ENO1: variants seen among roughly 807,000 people sequenced by gnomAD.
ENO1 encodes enolase 1.
ENO1 carries 33 observed loss-of-function variants against 46.3 expected under a neutral mutation model. That is an observed-to-expected ratio of 0.71 (90% CI 0.54 to 0.95). The LOEUF (loss-of-function observed/expected upper bound fraction) is 0.95, where lower values mean the gene tolerates loss of function less well. Among genes scored for constraint, ENO1 ranks in the 40% least tolerant of loss-of-function variants. ENO1 has a pLI of 0.00. For synonymous variants in ENO1, 220 were observed against 216.0 expected (o/e 1.02, Z -0.16); for missense variants, 488 against 553.3 (o/e 0.88, Z 1.18).
chr1:8,861,913 T>G (rs1325323961), intron 11 of ENO1, among the ~76,000 whole-genome samples: 2 of 148,072 alleles, frequency 1.4e-5, no homozygotes, highest in Non-Finnish European at 3.0e-5. Context: ...GCCAACACAT[T>G]TTGGGGCCAG....
chr1:8,877,124 A>AT (rs1642751871), intron 1 of ENO1, among the ~76,000 whole-genome samples: 1 of 151,974 alleles, frequency 6.6e-6, no homozygotes, highest in South Asian at 2.1e-4. Context: ...CACCCGGCTA[A>AT]TTTTTTGTAT....
At chr1:8,871,823 A>G (rs1020127959) in intron 3 of ENO1, 68 bp downstream of exon 3, 8 of 1,536,750 alleles carry the variant, frequency 5.2e-6, no homozygotes, top group Non-Finnish European at 7.2e-6. Flanking sequence ...CAGAGAGGAC[A>G]GGACTGGGCA....
In ENO1 at chr1:8,870,263, C is replaced by T. The variant is rs1397602287; in HGVS notation, c.240+189G>A. The T allele has an allele frequency of 4.6e-6, 3 of 652,020 alleles. No homozygotes were observed. The Admixed American group carries it at 8.9e-5, about 19-fold the overall frequency. The allele number at this position is 652,020 out of a possible 1,614,324, so 40.4% of individuals were successfully genotyped here. A position where few individuals can be genotyped will look rare whatever the true frequency, so the allele number is the denominator to read the frequency against. On this transcript the variant is annotated intron_variant, in intron 4 of 11. Coordinates refer to ENST00000234590, the MANE Select transcript of ENO1 (RefSeq NM_001428.5). The stretch of plus-strand genomic sequence containing the variant: ...TTCTTCTGATGCAATTCCATCTGCT[C>T]CCAAAAGTGGGGTGAGGCAGCGGGC...
In ENO1 at chr1:8,866,330, T is replaced by G. The variant is rs1365935305; in HGVS notation, c.616A>C (p.Asn206His). Residue 206 changes from asparagine (N) to histidine (H), a missense_variant, in exon 7 of 12, where the codon AAT (asparagine) becomes CAT (histidine). Asn to His is a moderately conservative substitution (Grantham distance 68). Coordinates refer to ENST00000234590, the MANE Select transcript of ENO1 (RefSeq NM_001428.5). ...GCAAACCCGCCTTCATCCCCCACATTGGTGGCATCTTTCCCATATTTCTCC... is the reference window on the plus strand; with the variant it reads ...GCAAACCCGCCTTCATCCCCCACATGGGTGGCATCTTTCCCATATTTCTCC... ...IKEKYGKDAT[N>H]VGDEGGFAPN... 6.2e-7 allele frequency: 1 copy of G among 1,613,998 alleles called. No individual in the cohort carries two copies. The highest frequency in any genetic ancestry group is 1.3e-5 in the African/African-American group (1 of 74,908).
chr1:8,865,491 AGATGGT>A lies in ENO1; in HGVS notation c.668-15_668-10del. Reference sequence around the variant, plus strand: ...CTTCAGCAGCTCCAGGCCTGGGAAGAGATGGTGACAACAGGTTTGGAAAACAGGTAG... The same window carrying A: ...CTTCAGCAGCTCCAGGCCTGGGAAGAGACAACAGGTTTGGAAAACAGGTAG... On this transcript the variant is annotated splice_polypyrimidine_tract_variant and intron_variant, in intron 7 of 11. Transcript: ENST00000234590. The A allele has an allele frequency of 6.2e-7, 1 of 1,612,396 alleles. No individual in the cohort carries two copies. Among genetic ancestry groups the A allele is most frequent in the Non-Finnish European group, 8.5e-7 (1 of 1,179,910 alleles).
At chr1:8,866,996 G>A (rs1642531667) in intron 6 of ENO1, 121 bp downstream of exon 6, 1 of 1,430,448 alleles carries the variant, frequency 7.0e-7, no homozygotes, top group Non-Finnish European at 9.4e-7. Flanking sequence ...CTTAACAAGG[G>A]GCAGAGCTGT....
At chr1:8,874,577 C>CAAAAAAAAAAAAAAAAA (rs140269736) in intron 2 of ENO1, among the ~76,000 whole-genome samples, 6 of 51,600 alleles carry the variant, frequency 1.2e-4, no homozygotes, top group African/African-American at 4.2e-4. Flanking sequence ...GACTCCATCT[C>CAAAAAAAAAAAAAAAAA]AAAAAAAAAA....
At position 8,865,585 on chromosome 1, in the gene ENO1, T is replaced by G. The variant is rs1278815598; in HGVS notation, c.668-103A>C. The G allele has an allele frequency of 2.6e-6, 3 of 1,139,946 alleles. No individual in the cohort carries two copies. The East Asian group carries it at 7.6e-5, about 29-fold the overall frequency. 70.6% of individuals were successfully genotyped at this position (1,139,946 alleles called of 1,614,324 possible). ...GGACTGTAACACAAAGATCAACAGG[T>G]GTTCAGGCCCCAACCAGTAGTTCTG... is the stretch of plus-strand genomic sequence containing the variant. On this transcript the variant is annotated intron_variant, in intron 7 of 11. Coordinates refer to ENST00000234590, the MANE Select transcript of ENO1 (RefSeq NM_001428.5).
At chr1:8,871,785 C>A in intron 3 of ENO1, 106 bp downstream of exon 3, 4 of 1,341,774 alleles carry the variant, frequency 3.0e-6, no homozygotes, top group Admixed American at 1.9e-5. Context: ...GGTTTACCTG[C>A]CATAAACCTG....
chr1:8,870,819 A>C, intron 3 of ENO1: 2 of 1,372,884 alleles, frequency 1.5e-6, no homozygotes, highest in Non-Finnish European at 1.9e-6. Flanking sequence ...CTGTTCAATC[A>C]GTTACCTGAG....
intron 8 of ENO1, among the ~76,000 whole-genome samples, chr1:8,864,835 C>T (rs558668494): frequency 6.6e-5 from 10 of 152,278 alleles, no homozygotes; most frequent in Admixed American, 3.3e-4. Context: ...TGTGTGCTCT[C>T]GGGCAGATTA....
chr1:8,875,012 A>C, intron 1 of ENO1, 95 bp from the exon 2 acceptor site: 1 of 1,038,464 alleles, frequency 9.6e-7, no homozygotes, highest in Non-Finnish European at 1.4e-6. Context: ...CGTGGACTAG[A>C]GAGAATCAGC....
chr1:8,874,729 A>C (rs1269520050), intron 2 of ENO1, 95 bp downstream of exon 2: 2 of 1,111,078 alleles, frequency 1.8e-6, no homozygotes, highest in Non-Finnish European at 2.6e-6. Flanking sequence ...AAGCTTTAAC[A>C]GATTTTTTTT....
Position 8,866,375 on chromosome 1 carries a change from T to C in ENO1, c.571A>G (p.Asn191Asp). ...TTCTCCTTGATGACATTCTTCAGGT[T>C]GTGGTAAACCTCTGCTCCAATGCGC... ...AMRIGAEVYH[N>D]LKNVIKEKYG... Residue 191 changes from asparagine (N) to aspartate (D), a missense_variant, in exon 7 of 12, where the codon AAC (asparagine) becomes GAC (aspartate). By Grantham distance (23) the Asn-to-Asp change is conservative. Transcript: ENST00000234590. The C allele has an allele frequency of 6.2e-7, 1 of 1,614,236 alleles. No homozygotes were observed. Among genetic ancestry groups the C allele is most frequent in the Non-Finnish European group, 8.5e-7 (1 of 1,180,046 alleles).
chr1:8,862,609 A>G (rs931835002), intron 11 of ENO1, among the ~76,000 whole-genome samples: 7 of 152,214 alleles, frequency 4.6e-5, no homozygotes, highest in African/African-American at 1.7e-4. Context: ...GTCATGCATC[A>G]GCTGTCAAAG....
intron 6 of ENO1, 73 bp downstream of exon 6, chr1:8,867,044 G>A (rs1250695047): frequency 5.7e-6 from 9 of 1,573,588 alleles, no homozygotes; most frequent in African/African-American, 1.3e-5. Context: ...TCAAGGCATA[G>A]GAGGTCTCGG....
At chr1:8,877,713 A>C (rs12047420) in intron 1 of ENO1, 44,354 of 100,020 alleles carry the variant, frequency 0.44, 7,560 homozygotes, top group East Asian at 0.79. Flanking sequence ...ACAACAACAA[A>C]AAAAAAACAA....
chr1:8,875,061 T>G (rs1569922532), intron 1 of ENO1, 144 bp from the exon 2 acceptor site: 1 of 634,786 alleles, frequency 1.6e-6, no homozygotes, highest in Non-Finnish European at 2.7e-6. Context: ...CTGGCTAGGG[T>G]GGGGGGAAAA....
intron 1 of ENO1, among the ~76,000 whole-genome samples, chr1:8,876,549 G>A (rs29000591): frequency 0.025 from 3,821 of 152,176 alleles, 157 homozygotes; most frequent in African/African-American, 0.088. Context: ...ACTTTTAAAG[G>A]CAATTTTATT....
Sources: allele counts gnomAD v4.1 joint callset (sites outside exome capture counted in the v4.1 genomes callset), GRCh38; gene constraint gnomAD v4.1.1; transcripts MANE v1.5; gene names NCBI Gene and HGNC (gene_info 2026-07-23, HGNC 2026-07-21).